ADRA1A: variants seen among roughly 807,000 people sequenced by gnomAD.
ADRA1A encodes the protein adrenoceptor alpha 1A.
ADRA1A carries 31 observed loss-of-function variants against 29.6 expected under a neutral mutation model. The ratio of observed to expected loss-of-function variants is 1.05; its 90% confidence interval spans 0.79 to 1.41. The LOEUF (loss-of-function observed/expected upper bound fraction) is 1.41. Ranked by LOEUF, ADRA1A falls within the 40% of genes most tolerant of loss-of-function variation. The pLI, the probability that ADRA1A is intolerant of heterozygous loss-of-function variation, is 0.00. For synonymous variants in ADRA1A, 311 were observed against 254.3 expected (o/e 1.22, Z -2.12); for missense variants, 619 against 601.1 (o/e 1.03, Z -0.31).
Position 26,865,902 on chromosome 8 carries a change from C to CAA in ADRA1A, c.-686-249_-686-248dup, listed in dbSNP as rs3842197. ...TTCAGGATCCGAAGCGAAAAACAAA[C>CAA]AAAAAAACAAATCCCCAAAACCCCA... On this transcript the variant is annotated intron_variant, in intron 1 of 2. Transcript: ENST00000380573. The surrounding 1 kb of genome is among the most constrained non-coding windows in gnomAD (Gnocchi z 7.6). Among the ~76,000 whole-genome samples, 1,660 of 151,804 alleles carry CAA rather than the reference C, an allele frequency of 0.011. 34 individuals are homozygous for CAA. The highest frequency in any genetic ancestry group is 0.037 in the African/African-American group (1,521 of 41,372).
intron 2 of ADRA1A, among the ~76,000 whole-genome samples, chr8:26,797,331 C>T (rs1294134093): frequency 6.6e-6 from 1 of 152,040 alleles, no homozygotes; most frequent in Non-Finnish European, 1.5e-5. Context: ...GCGTCTCGCT[C>T]TGTCGCCCAG....
intron 2 of ADRA1A, among the ~76,000 whole-genome samples, chr8:26,856,889 G>T (rs2130771544): frequency 6.6e-6 from 1 of 152,314 alleles, no homozygotes; most frequent in Non-Finnish European, 1.5e-5. Context: ...CATGAAGCCT[G>T]GCATATGGGA....
chr8:26,852,008 C>T (rs1812671533), intron 2 of ADRA1A, among the ~76,000 whole-genome samples: 1 of 152,032 alleles, frequency 6.6e-6, no homozygotes, highest in Admixed American at 6.5e-5. Context: ...CTCAATAAGT[C>T]CCATAAGCTA....
chr8:26,859,106 C>A (rs1232683369), intron 2 of ADRA1A: 8 of 1,289,686 alleles, frequency 6.2e-6, no homozygotes, highest in Non-Finnish European at 8.1e-6. Context: ...CTCATCCCTG[C>A]CCTGGTTTCA....
At chr8:26,856,893 T>C (rs1813089308) in intron 2 of ADRA1A, among the ~76,000 whole-genome samples, 1 of 152,326 alleles carries the variant, frequency 6.6e-6, no homozygotes, top group South Asian at 2.1e-4. Context: ...AAGCCTGGCA[T>C]ATGGGAAGTT....
chr8:26,808,375 T>C (rs539251644), intron 2 of ADRA1A, among the ~76,000 whole-genome samples: 12 of 152,352 alleles, frequency 7.9e-5, no homozygotes, highest in African/African-American at 2.9e-4. Flanking sequence ...CAACTAATCT[T>C]CTAGTGCTGG....
chr8:26,787,876 G>T lies in ADRA1A; in HGVS notation c.884-17210C>A, dbSNP rs755729165. On this transcript the variant is annotated intron_variant, in intron 2 of 2. Transcript: ENST00000380573. This position sits in a 1 kb window ranked among gnomAD's most constrained non-coding sequence, Gnocchi z 4.2. ...TGTAGCAGCTCTGCATCTACTTTCAGGGTATCTTCTCAGTCATTAGTGCTA... is the reference window on the plus strand; with the variant it reads ...TGTAGCAGCTCTGCATCTACTTTCATGGTATCTTCTCAGTCATTAGTGCTA... Among the ~76,000 whole-genome samples, 1 of 151,778 alleles carries T rather than the reference G, an allele frequency of 6.6e-6. No homozygotes were observed. The highest frequency in any genetic ancestry group is 1.9e-4 in the East Asian group (1 of 5,170).
At chr8:26,851,168 A>C (rs1311812491) in intron 2 of ADRA1A, among the ~76,000 whole-genome samples, 2 of 152,242 alleles carry the variant, frequency 1.3e-5, no homozygotes, top group African/African-American at 2.4e-5. Context: ...TTTAAAATGC[A>C]CTATTTTATT....
At chr8:26,749,701 AT>A (rs1394330463) in intron 2 of ADRA1A, among the ~76,000 whole-genome samples, 2 of 152,120 alleles carry the variant, frequency 1.3e-5, no homozygotes, top group African/African-American at 4.8e-5. Context: ...AGAGGAAGAA[AT>A]TTCTGCCTTT....
chr8:26,776,078 C>T (rs1026814120), intron 2 of ADRA1A, among the ~76,000 whole-genome samples: 1 of 152,192 alleles, frequency 6.6e-6, no homozygotes, highest in Non-Finnish European at 1.5e-5. Context: ...TATAAAATTA[C>T]AGCAACATTT....
rs370622438 is a variant in ADRA1A, at chr8:26,843,118, A to G, written c.883+20969T>C. ...TCCTAGACCATTTATAATGAGTGTT[A>G]TCTTGTCCTGATGACTATTGTTTCA... On this transcript the variant is annotated intron_variant, in intron 2 of 2. Transcript: ENST00000380573. Among the ~76,000 whole-genome samples the G allele has an allele frequency of 7.2e-5, 11 of 152,278 alleles. No individual in the cohort carries two copies. In the East Asian group the frequency reaches 2.1e-3, roughly 29 times the overall value.
At chr8:26,835,875 G>T (rs1811313448) in intron 2 of ADRA1A, 1 of 152,732 alleles carries the variant, frequency 6.5e-6, no homozygotes, top group African/African-American at 2.4e-5. Context: ...TTTATTCATA[G>T]TTAAGTCATG....
chr8:26,781,264 T>C (rs1485944181), intron 2 of ADRA1A, among the ~76,000 whole-genome samples: 2 of 152,230 alleles, frequency 1.3e-5, no homozygotes, highest in African/African-American at 4.8e-5. Flanking sequence ...TCAACACTCA[T>C]AATGGTGTAC....
intron 2 of ADRA1A, among the ~76,000 whole-genome samples, chr8:26,837,392 G>A (rs2128056): frequency 0.02 from 2,967 of 152,086 alleles, 109 homozygotes; most frequent in African/African-American, 0.068. Flanking sequence ...AACTCACACC[G>A]GTAATCCCAG....
At chr8:26,853,030 A>G (rs1360781426) in intron 2 of ADRA1A, among the ~76,000 whole-genome samples, 1 of 152,178 alleles carries the variant, frequency 6.6e-6, no homozygotes, top group Non-Finnish European at 1.5e-5. Context: ...TTATCAAATC[A>G]ATGTCAATGA....
Position 26,805,568 on chromosome 8 carries a change from T to C in ADRA1A, c.884-34902A>G, listed in dbSNP as rs899182088. 2.4e-4 allele frequency among the ~76,000 whole-genome samples: 37 copies of C among 152,186 alleles called. No individual in the cohort carries two copies. The highest frequency in any genetic ancestry group is 8.7e-4 in the African/African-American group (36 of 41,444). On this transcript the variant is annotated intron_variant, in intron 2 of 2. Transcript: ENST00000380573. This position sits in a 1 kb window ranked among gnomAD's most constrained non-coding sequence, Gnocchi z 4.8. Reference sequence around the variant, plus strand: ...TGCTAGGAGGATACCAAGACATTAGTGTTATTACAGATTACGAAACAGGCA... The same window carrying C: ...TGCTAGGAGGATACCAAGACATTAGCGTTATTACAGATTACGAAACAGGCA...
rs1813926931 is a variant in ADRA1A at position 26,866,693 on chromosome 8, G to GCAGAAACCCTTTTCCTCCTA, written c.-687+223_-687+242dup. Among the ~76,000 whole-genome samples the GCAGAAACCCTTTTCCTCCTA allele has an allele frequency of 1.3e-5, 2 of 152,208 alleles. No homozygotes were observed. Among genetic ancestry groups the GCAGAAACCCTTTTCCTCCTA allele is most frequent in the African/African-American group, 4.8e-5 (2 of 41,448 alleles). On this transcript the variant is annotated intron_variant, in intron 1 of 2. Coordinates refer to ENST00000380573, the MANE Select transcript of ADRA1A (RefSeq NM_000680.4). The surrounding 1 kb of genome is among the most constrained non-coding windows in gnomAD (Gnocchi z 5.7). ...CAGGTGGTATTAAAAACGTGCCACT[G>GCAGAAACCCTTTTCCTCCTA]CAGAAACCCTTTTCCTCCTACCTCG...
intron 2 of ADRA1A, among the ~76,000 whole-genome samples, chr8:26,847,138 A>G (rs960454988): frequency 6.6e-6 from 1 of 152,098 alleles, no homozygotes; most frequent in Non-Finnish European, 1.5e-5. Flanking sequence ...GTTAGTGGGT[A>G]CAGCGCACCA....
chr8:26,772,859 T>TCA (rs71553824), intron 2 of ADRA1A, among the ~76,000 whole-genome samples: 153 of 102,680 alleles, frequency 1.5e-3, no homozygotes, highest in African/African-American at 3.4e-3. Flanking sequence ...TGTCTCAAAT[T>TCA]CACACACACA....
Sources: gnomAD v4.1 joint callset for allele counts (sites outside exome capture counted in the v4.1 genomes callset) on GRCh38, gnomAD v4.1.1 for gene constraint, Gnocchi (gnomAD v3.1) non-coding constraint, MANE v1.5 for transcripts, NCBI Gene and HGNC (gene_info 2026-07-23, HGNC 2026-07-21) for gene names.